SYNDIG1L: variants seen among roughly 807,000 people sequenced by gnomAD.
SYNDIG1L encodes the protein synapse differentiation inducing 1 like.
A neutral mutation model predicts 20.1 loss-of-function variants in SYNDIG1L; 13 were observed. That is an observed-to-expected ratio of 0.65 (90% confidence interval 0.42 to 1.03). The LOEUF (loss-of-function observed/expected upper bound fraction) is 1.03, where lower values mean the gene tolerates loss of function less well. SYNDIG1L is among the 50% of genes least tolerant of loss of function. The probability of loss-of-function intolerance (pLI) is 0.00; values close to 1 mark genes in which losing one functional copy is unlikely to be tolerated. For synonymous variants in SYNDIG1L, 128 were observed against 129.3 expected (o/e 0.99, Z 0.07); for missense variants, 294 against 305.1 (o/e 0.96, Z 0.27).
rs201599174 is a variant in SYNDIG1L at position 74,409,671 on chromosome 14, T to C, written c.74A>G (p.Tyr25Cys). The change falls in exon 2 of 4, where the codon TAC becomes TGC. Residue 25 changes from tyrosine (Y) to cysteine (C), a missense_variant. Transcript: ENST00000331628. The part of the protein sequence containing the change: ...SPAHLHGPYP[Y>C]PETPPSWSCQ... ...GGACCAGCTGGGTGGGGTCTCCGGG[T>C]AGGGATAGGGGCCATGGAGATGGGC... is the stretch of plus-strand genomic sequence containing the variant. 173 of 1,497,972 alleles carry C rather than the reference T, an allele frequency of 1.2e-4. No homozygotes were observed. Among genetic ancestry groups the C allele is most frequent in the Non-Finnish European group, 1.5e-4 (170 of 1,124,680 alleles). 92.8% of individuals were successfully genotyped at this position (1,497,972 alleles called of 1,614,324 possible).
chr14:74,423,748 A>G lies in SYNDIG1L; in HGVS notation c.-58+2164T>C, dbSNP rs75731894. The stretch of plus-strand genomic sequence containing the variant: ...AAATATAAATTCTCTGTAGGGATGG[A>G]TATTTCCTGCTTGTCCCCTCCTCTG... On this transcript the variant is annotated intron_variant, in intron 1 of 3. Coordinates refer to ENST00000331628, the MANE Select transcript of SYNDIG1L (RefSeq NM_001105579.2). 3.3e-5 allele frequency among the ~76,000 whole-genome samples: 5 copies of G among 152,216 alleles called. No individual in the cohort carries two copies. The East Asian group carries it at 7.7e-4, about 24-fold the overall frequency.
the SYNDIG1L span, among the ~76,000 whole-genome samples, chr14:74,455,774 C>T: frequency 6.6e-6 from 1 of 152,122 alleles, no homozygotes. Context: ...CTTCAGCCTC[C>T]CATCCTCTCC....
At chr14:74,429,516 T>C (rs1346126260), upstream of SYNDIG1L, among the ~76,000 whole-genome samples, 1 of 152,238 alleles carries the variant, frequency 6.6e-6, no homozygotes, top group Admixed American at 6.5e-5. Context: ...GCCCCACTAC[T>C]ACTTCAATAG....
At chr14:74,472,080 G>A in the SYNDIG1L span, 1 of 152,106 alleles carries the variant, frequency 6.6e-6, no homozygotes, top group African/African-American at 2.4e-5. Context: ...CCCATCTTTT[G>A]TATCCCTGGC....
the SYNDIG1L span, among the ~76,000 whole-genome samples, chr14:74,469,110 G>A: frequency 6.6e-6 from 1 of 152,094 alleles, no homozygotes; most frequent in African/African-American, 2.4e-5. Flanking sequence ...CATTGTGTAG[G>A]AAGAGGACCA....
chr14:74,412,718 T>C (rs2086141613), intron 1 of SYNDIG1L, among the ~76,000 whole-genome samples: 1 of 152,266 alleles, frequency 6.6e-6, no homozygotes, highest in East Asian at 1.9e-4. Context: ...GACAGAGCCA[T>C]GGATTCATCT....
the SYNDIG1L span, among the ~76,000 whole-genome samples, chr14:74,451,262 A>G: frequency 6.6e-6 from 1 of 152,254 alleles, no homozygotes; most frequent in African/African-American, 2.4e-5. Flanking sequence ...TAATAAATAC[A>G]TATATGAACA....
the SYNDIG1L span, among the ~76,000 whole-genome samples, chr14:74,452,114 C>T: frequency 1.3e-5 from 2 of 150,408 alleles, no homozygotes; most frequent in African/African-American, 2.5e-5. Flanking sequence ...GGCAAGTAAA[C>T]ACATGAAAAG....
chr14:74,453,380 AAAAAAAAAAAAG>A, the SYNDIG1L span, among the ~76,000 whole-genome samples: 22 of 64,156 alleles, frequency 3.4e-4, no homozygotes, highest in South Asian at 1.0e-3. Flanking sequence ...AAAAAAAAAA[AAAAAAAAAAAAG>A]AAGAAGAAGA....
the SYNDIG1L span, among the ~76,000 whole-genome samples, chr14:74,462,834 T>C: frequency 6.6e-6 from 1 of 152,286 alleles, no homozygotes; most frequent in South Asian, 2.1e-4. Context: ...TTTTGACTTA[T>C]GATATTTTCC....
intron 1 of SYNDIG1L, among the ~76,000 whole-genome samples, chr14:74,414,304 G>A (rs562525355): frequency 7.3e-4 from 111 of 152,326 alleles, no homozygotes; most frequent in African/African-American, 2.5e-3. Context: ...TATATGAGAG[G>A]TCTGGAATTC....
the SYNDIG1L span, chr14:74,476,672 C>A: frequency 1.8e-6 from 2 of 1,129,820 alleles, no homozygotes; most frequent in South Asian, 1.5e-5. Context: ...ACATTGCCCA[C>A]CCTCTTCCAG....
chr14:74,469,995 A>G, the SYNDIG1L span, among the ~76,000 whole-genome samples: 2 of 152,324 alleles, frequency 1.3e-5, no homozygotes, highest in Middle Eastern at 3.4e-3. Flanking sequence ...GGTGCAGCCA[A>G]CATGGTTACA....
chr14:74,440,698 A>G, the SYNDIG1L span, among the ~76,000 whole-genome samples: 8 of 152,136 alleles, frequency 5.3e-5, no homozygotes, highest in Non-Finnish European at 2.9e-5. Context: ...GAAAAAAAAA[A>G]AAGTATCTCT....
At chr14:74,443,233 C>T in the SYNDIG1L span, among the ~76,000 whole-genome samples, 1 of 152,078 alleles carries the variant, frequency 6.6e-6, no homozygotes, top group African/African-American at 2.4e-5. Flanking sequence ...GAGCTAAAAC[C>T]AAGCCAAGAA....
At chr14:74,442,352 T>C in the SYNDIG1L span, among the ~76,000 whole-genome samples, 4 of 152,310 alleles carry the variant, frequency 2.6e-5, no homozygotes, top group East Asian at 7.7e-4. Context: ...AGGAACCTGA[T>C]GTTCTAAAGT....
At chr14:74,420,454 T>C (rs1027852372) in intron 1 of SYNDIG1L, among the ~76,000 whole-genome samples, 3 of 149,250 alleles carry the variant, frequency 2.0e-5, no homozygotes, top group Non-Finnish European at 4.4e-5. Flanking sequence ...TGTGGCAGAA[T>C]TGAAAAGGAG....
chr14:74,412,667 G>A (rs2086141009), intron 1 of SYNDIG1L, among the ~76,000 whole-genome samples: 1 of 152,164 alleles, frequency 6.6e-6, no homozygotes, highest in Non-Finnish European at 1.5e-5. Context: ...AGCAGGTTGA[G>A]GAAGGCAAAG....
chr14:74,446,135 C>T, the SYNDIG1L span, among the ~76,000 whole-genome samples: 1 of 152,116 alleles, frequency 6.6e-6, no homozygotes, highest in Non-Finnish European at 1.5e-5. Context: ...ACGAAAGAAG[C>T]AACTCAAATA....
Sources: gnomAD v4.1 joint callset for allele counts (sites outside exome capture counted in the v4.1 genomes callset) on GRCh38, gnomAD v4.1.1 for gene constraint, MANE v1.5 for transcripts, NCBI Gene and HGNC (gene_info 2026-07-23, HGNC 2026-07-21) for gene names.